Variants in PPP1R9A observed in about 807,000 individuals in gnomAD.
The protein encoded by PPP1R9A is protein phosphatase 1 regulatory subunit 9A.
A neutral mutation model predicts 141.9 loss-of-function variants in PPP1R9A; 59 were observed. That is an observed-to-expected ratio of 0.42 (90% CI 0.34 to 0.52). The LOEUF is 0.52. Among genes scored for constraint, PPP1R9A ranks in the 20% least tolerant of loss-of-function variants. PPP1R9A has a pLI of 0.10. For missense variants in PPP1R9A, 1,444 were observed against 1,611.9 expected (o/e 0.90, Z 1.78); for synonymous variants, 500 against 569.7 (o/e 0.88, Z 1.74).
chr7:95,161,822 ATTT>A, intron 4 of PPP1R9A, 42 bp from the exon 5 acceptor site: 5 of 1,254,916 alleles, frequency 4.0e-6, no homozygotes, highest in South Asian at 1.4e-5. Context: ...ACATAAATTA[ATTT>A]TTTATGTAAT....
intron 2 of PPP1R9A, among the ~76,000 whole-genome samples, chr7:95,008,634 G>T (rs551800031): frequency 1.3e-5 from 2 of 152,228 alleles, no homozygotes; most frequent in South Asian, 4.1e-4. Context: ...TTGTCCTCTG[G>T]TAGAAGAGGT....
intron 2 of PPP1R9A, among the ~76,000 whole-genome samples, chr7:94,948,096 A>G (rs991307469): frequency 6.6e-6 from 1 of 152,048 alleles, no homozygotes; most frequent in Non-Finnish European, 1.5e-5. Context: ...TTGTAATCCC[A>G]TGGTGGGTTC....
chr7:95,234,168 A>G (rs1796361197), intron 8 of PPP1R9A, among the ~76,000 whole-genome samples: 1 of 152,192 alleles, frequency 6.6e-6, no homozygotes, highest in Non-Finnish European at 1.5e-5. Flanking sequence ...ATAGTACTGG[A>G]AGTCCTAGCC....
intron 9 of PPP1R9A, among the ~76,000 whole-genome samples, chr7:95,248,080 A>G (rs1798363350): frequency 6.6e-6 from 1 of 150,812 alleles, no homozygotes; most frequent in Admixed American, 6.7e-5. Flanking sequence ...AAAAGGGAGT[A>G]TGTATTATTA....
chr7:94,947,869 T>C (rs1796060664), intron 2 of PPP1R9A, among the ~76,000 whole-genome samples: 1 of 152,126 alleles, frequency 6.6e-6, no homozygotes, highest in African/African-American at 2.4e-5. Flanking sequence ...TGAAAGCTTG[T>C]TTCAAAAATG....
rs529192341 is a variant in PPP1R9A, at chr7:94,974,878, T to C, written c.1395+63370T>C. ...AGAAAACAGAAATGGTGTTTTAATT[T>C]GAGGAAATATAGACACCATACAGGA... On this transcript the variant is annotated intron_variant, in intron 2 of 19. Transcript: ENST00000433360. Among the ~76,000 whole-genome samples the C allele has an allele frequency of 5.3e-5, 8 of 152,250 alleles. No homozygotes were observed. In the South Asian group the frequency reaches 1.0e-3, roughly 20 times the overall value.
chr7:95,051,464 T>C lies in PPP1R9A; in HGVS notation c.1396-59795T>C, dbSNP rs199924541. The stretch of plus-strand genomic sequence containing the variant: ...TCAGTATTGTGTTAATTATTCTGGG[T>C]CTTTTGTTTCTCCATATAAACTTTA... On this transcript the variant is annotated intron_variant, in intron 2 of 19. Coordinates refer to ENST00000433360, the MANE Select transcript of PPP1R9A (RefSeq NM_001166160.2). 6.6e-5 allele frequency among the ~76,000 whole-genome samples: 10 copies of C among 152,324 alleles called. No individual in the cohort carries two copies. The East Asian group carries it at 1.9e-3, about 29-fold the overall frequency.
chr7:95,004,416 A>G (rs1214977913), intron 2 of PPP1R9A, among the ~76,000 whole-genome samples: 5 of 152,164 alleles, frequency 3.3e-5, no homozygotes. Flanking sequence ...AGACATGTTT[A>G]AAAATCTTTA....
chr7:95,068,796 G>C (rs879498804), intron 2 of PPP1R9A, among the ~76,000 whole-genome samples: 1 of 152,104 alleles, frequency 6.6e-6, no homozygotes, highest in African/African-American at 2.4e-5. Flanking sequence ...ATGGTGAAGA[G>C]GGGACCTAGG....
At chr7:95,273,379 G>C (rs1802540311) in intron 14 of PPP1R9A, among the ~76,000 whole-genome samples, 1 of 152,168 alleles carries the variant, frequency 6.6e-6, no homozygotes, top group Admixed American at 6.5e-5. Context: ...CATTAGCAAA[G>C]GAGAGCCAGA....
At chr7:95,232,667 A>C (rs1585375927) in intron 8 of PPP1R9A, among the ~76,000 whole-genome samples, 1 of 152,322 alleles carries the variant, frequency 6.6e-6, no homozygotes, top group East Asian at 1.9e-4. Context: ...AACTTAAACA[A>C]ATTTACAAGA....
chr7:94,923,052 G>A (rs1469440195), intron 2 of PPP1R9A, among the ~76,000 whole-genome samples: 5 of 152,058 alleles, frequency 3.3e-5, no homozygotes, highest in Admixed American at 2.0e-4. Flanking sequence ...TTAAGAAAAT[G>A]GATGAACTTT....
chr7:95,017,918 T>G (rs2151687043), intron 2 of PPP1R9A, among the ~76,000 whole-genome samples: 1 of 152,276 alleles, frequency 6.6e-6, no homozygotes, highest in African/African-American at 2.4e-5. Flanking sequence ...CCAAAGACAT[T>G]TGTATAGTAA....
intron 4 of PPP1R9A, among the ~76,000 whole-genome samples, chr7:95,138,021 C>T (rs1477015987): frequency 1.3e-5 from 2 of 151,534 alleles, no homozygotes; most frequent in Non-Finnish European, 2.9e-5. Context: ...CGAACCCCGC[C>T]TCCCAGGTTC....
intron 2 of PPP1R9A, among the ~76,000 whole-genome samples, chr7:94,957,301 A>G (rs914545811): frequency 6.6e-5 from 10 of 152,150 alleles, no homozygotes; most frequent in African/African-American, 2.4e-4. Context: ...GACAGGGGTT[A>G]AAACTTGAAG....
intron 4 of PPP1R9A, among the ~76,000 whole-genome samples, chr7:95,127,471 T>G (rs2152510087): frequency 6.6e-6 from 1 of 152,052 alleles, no homozygotes; most frequent in Non-Finnish European, 1.5e-5. Context: ...TGGAATACTT[T>G]GCATCTTGTA....
intron 5 of PPP1R9A, 106 bp downstream of exon 5, chr7:95,162,077 G>T: frequency 1.6e-6 from 1 of 617,056 alleles, no homozygotes; most frequent in Non-Finnish European, 2.6e-6. Context: ...AATTTTACCT[G>T]AATAGTAAAA....
In PPP1R9A at chr7:95,290,352, C is replaced by A; in HGVS notation, c.*49C>A. On this transcript the variant is annotated 3_prime_UTR_variant, in exon 20 of 20. Transcript: ENST00000433360. ...GAGATGCTCCAAGAGAAGTCCCCAC[C>A]TCTTCCTGCCCTGCTCTCCTCCAGA... 6.5e-7 allele frequency: 1 copy of A among 1,536,868 alleles called. No homozygotes were observed.
At chr7:95,238,246 T>G (rs1796976610) in intron 8 of PPP1R9A, among the ~76,000 whole-genome samples, 1 of 152,176 alleles carries the variant, frequency 6.6e-6, no homozygotes, top group Non-Finnish European at 1.5e-5. Flanking sequence ...CCAACTGTAA[T>G]GGGATTCTGG....
Sources: gnomAD v4.1 joint callset for allele counts (sites outside exome capture counted in the v4.1 genomes callset) on GRCh38, gnomAD v4.1.1 for gene constraint, MANE v1.5 for transcripts, NCBI Gene and HGNC (gene_info 2026-07-23, HGNC 2026-07-21) for gene names.